SOX5: variants seen among roughly 807,000 people sequenced by gnomAD.
SOX5 encodes SRY-box transcription factor 5.
Under a neutral mutation model 92.0 loss-of-function variants are expected in SOX5, and 9 were observed. That is an observed-to-expected ratio of 0.10 (90% CI 0.06 to 0.17). SOX5 has a LOEUF of 0.17. SOX5 is among the 10% of genes least tolerant of loss of function. SOX5 has a pLI of 1.00. For synonymous variants in SOX5, 344 were observed against 336.3 expected (o/e 1.02, Z -0.25); for missense variants, 642 against 944.5 (o/e 0.68, Z 4.20).
intron 2 of SOX5, among the ~76,000 whole-genome samples, chr12:23,873,462 G>A (rs955637223): frequency 7.2e-5 from 11 of 152,160 alleles, no homozygotes; most frequent in Non-Finnish European, 5.9e-5. Context: ...GACAAGGTAA[G>A]ACCCTGTCTC....
intron 4 of SOX5, among the ~76,000 whole-genome samples, chr12:23,981,178 C>G (rs1051562305): frequency 5.9e-5 from 9 of 152,188 alleles, no homozygotes; most frequent in Non-Finnish European, 1.3e-4. Flanking sequence ...ATTCCACAAG[C>G]TACATACCTC....
intron 2 of SOX5, among the ~76,000 whole-genome samples, chr12:23,850,428 CAA>C (rs1377680790): frequency 4.3e-5 from 3 of 70,510 alleles, no homozygotes; most frequent in Admixed American, 3.7e-4. Flanking sequence ...ACTCTGTCTA[CAA>C]AAAAAAAATA....
At chr12:23,934,676 T>C (rs1396093602) in intron 1 of SOX5, among the ~76,000 whole-genome samples, 1 of 151,210 alleles carries the variant, frequency 6.6e-6, no homozygotes, top group African/African-American at 2.4e-5. Context: ...CCATATTATA[T>C]GGAGTATTCT....
chr12:24,509,733 T>C (rs758797082), intron 1 of SOX5, among the ~76,000 whole-genome samples: 35 of 152,234 alleles, frequency 2.3e-4, no homozygotes, highest in Non-Finnish European at 7.3e-5. Context: ...TGTATTTGTG[T>C]TGCTCTTCTA....
At chr12:24,508,438 G>A (rs569937538) in intron 1 of SOX5, among the ~76,000 whole-genome samples, 1 of 152,140 alleles carries the variant, frequency 6.6e-6, no homozygotes, top group Non-Finnish European at 1.5e-5. Context: ...CTGAGATACA[G>A]AACTCAAGAG....
At chr12:23,827,966 T>C (rs1436432187) in intron 3 of SOX5, among the ~76,000 whole-genome samples, 2 of 148,398 alleles carry the variant, frequency 1.3e-5, no homozygotes, top group African/African-American at 5.3e-5. Context: ...TTTATTATTA[T>C]TTTCAAATGG....
At chr12:24,282,545 G>T (rs1280273760) in intron 2 of SOX5, among the ~76,000 whole-genome samples, 1 of 148,696 alleles carries the variant, frequency 6.7e-6, no homozygotes, top group Admixed American at 6.7e-5. Flanking sequence ...AAAAAAAAAG[G>T]TGTTGCCCAA....
At chr12:23,813,778 CAGTT>C (rs968784227) in intron 3 of SOX5, among the ~76,000 whole-genome samples, 5 of 152,074 alleles carry the variant, frequency 3.3e-5, no homozygotes, top group African/African-American at 4.8e-5. Context: ...TATTTTAAAA[CAGTT>C]AGTAAAATAA....
intron 4 of SOX5, among the ~76,000 whole-genome samples, chr12:24,104,205 A>T (rs1467621772): frequency 6.6e-6 from 1 of 152,224 alleles, no homozygotes; most frequent in Non-Finnish European, 1.5e-5. Context: ...AAAAATTTAC[A>T]TGTTGAGATA....
At chr12:24,529,218 AT>A (rs1464623651) in intron 1 of SOX5, among the ~76,000 whole-genome samples, 1 of 152,234 alleles carries the variant, frequency 6.6e-6, no homozygotes, top group Non-Finnish European at 1.5e-5. Flanking sequence ...TATGGAGAGA[AT>A]AAAAGACTCT....
chr12:23,937,911 A>G (rs903383437), intron 1 of SOX5, among the ~76,000 whole-genome samples: 2 of 150,996 alleles, frequency 1.3e-5, no homozygotes, highest in South Asian at 2.1e-4. Context: ...TATAATGCCT[A>G]TAGTCACAAA....
In SOX5 at chr12:24,130,830, G is replaced by T. The variant is rs562861439; in HGVS notation, c.-2+82513C>A. 6.6e-5 allele frequency among the ~76,000 whole-genome samples: 10 copies of T among 152,212 alleles called. 1 individual carries two copies. The highest frequency in any genetic ancestry group is 2.4e-4 in the African/African-American group (10 of 41,534). On this transcript the variant is annotated intron_variant, in intron 4 of 4. Transcript: ENST00000446891. ...TGCAACTCATGGCTTTTTTAAGCTA[G>T]CTTGGATAACTCAAAGACTGCCAAA...
chr12:24,149,164 G>A (rs1951412944), intron 4 of SOX5, among the ~76,000 whole-genome samples: 1 of 151,966 alleles, frequency 6.6e-6, no homozygotes, highest in African/African-American at 2.4e-5. Flanking sequence ...TGTGGTGTTG[G>A]GTGAGGCAAA....
intron 9 of SOX5, among the ~76,000 whole-genome samples, chr12:23,579,977 C>A (rs1949811425): frequency 6.6e-6 from 1 of 151,954 alleles, no homozygotes; most frequent in Admixed American, 6.6e-5. Flanking sequence ...CATTTATACA[C>A]AAAGTAAGAG....
chr12:24,037,132 G>A (rs890128377), intron 4 of SOX5, among the ~76,000 whole-genome samples: 8 of 152,144 alleles, frequency 5.3e-5, no homozygotes, highest in Non-Finnish European at 1.2e-4. Context: ...TAGTGATAGG[G>A]GGAGGGGGAG....
intron 4 of SOX5, among the ~76,000 whole-genome samples, chr12:23,991,893 C>T (rs1950592505): frequency 6.6e-6 from 1 of 152,096 alleles, no homozygotes; most frequent in South Asian, 2.1e-4. Context: ...GGTTTTAATA[C>T]TATTTTTTGA....
intron 2 of SOX5, among the ~76,000 whole-genome samples, chr12:24,358,843 T>C (rs921858996): frequency 6.6e-6 from 1 of 152,224 alleles, no homozygotes; most frequent in African/African-American, 2.4e-5. Flanking sequence ...TCAAACATTA[T>C]CTAAAATAAT....
chr12:23,747,238 T>A (rs1347358966), intron 4 of SOX5, among the ~76,000 whole-genome samples: 2 of 152,148 alleles, frequency 1.3e-5, no homozygotes, highest in Non-Finnish European at 2.9e-5. Flanking sequence ...GTATCTCATT[T>A]CCACTATTAC....
At chr12:23,949,680 C>T, upstream of SOX5, 2 of 1,608,622 alleles carry the variant, frequency 1.2e-6, no homozygotes, top group Non-Finnish European at 8.5e-7. Flanking sequence ...TGAGTCCAAA[C>T]CTTCTAAACC....
Sources: gnomAD v4.1 joint callset for allele counts (sites outside exome capture counted in the v4.1 genomes callset) on GRCh38, gnomAD v4.1.1 for gene constraint, MANE v1.5 for transcripts, NCBI Gene and HGNC (gene_info 2026-07-23, HGNC 2026-07-21) for gene names.